CAB39L: variants seen among roughly 807,000 people sequenced by gnomAD.
CAB39L encodes the protein calcium-binding protein 39-like.
A neutral mutation model predicts 39.1 loss-of-function variants in CAB39L; 23 were observed. The ratio of observed to expected loss-of-function variants is 0.59; its 90% CI spans 0.42 to 0.83. The LOEUF (loss-of-function observed/expected upper bound fraction) is 0.83. Ranked by LOEUF, CAB39L falls within the 40% of genes least tolerant of loss-of-function variation. The pLI is 0.00. For missense variants in CAB39L, 366 were observed against 391.9 expected, an observed-to-expected ratio of 0.93 and a Z score of 0.56; for synonymous variants, 126 against 137.2, an observed-to-expected ratio of 0.92 and a Z score of 0.57.
intron 3 of CAB39L, among the ~76,000 whole-genome samples, chr13:49,432,424 C>T (rs1250526178): frequency 1.3e-5 from 2 of 152,198 alleles, no homozygotes; most frequent in African/African-American, 2.4e-5. Context: ...GTGTGAGCTA[C>T]TGCAACTGGC....
chr13:49,386,719 C>T (rs992596551), intron 3 of CAB39L, among the ~76,000 whole-genome samples: 1 of 151,650 alleles, frequency 6.6e-6, no homozygotes, highest in East Asian at 1.9e-4. Flanking sequence ...AGCACCCAGA[C>T]CCCCTGCAAA....
At chr13:49,352,048 TAGG>T (rs1288630741) in intron 6 of CAB39L, among the ~76,000 whole-genome samples, 2 of 152,122 alleles carry the variant, frequency 1.3e-5, no homozygotes, top group Non-Finnish European at 2.9e-5. Context: ...AGGAAAAAGA[TAGG>T]AGAGACCTAT....
chr13:49,380,812 A>G (rs967106791), intron 4 of CAB39L, among the ~76,000 whole-genome samples: 1 of 152,248 alleles, frequency 6.6e-6, no homozygotes, highest in African/African-American at 2.4e-5. Flanking sequence ...TGAAGAAGGA[A>G]ATGAGTAGAA....
chr13:49,344,549 T>C (rs1315751015), intron 7 of CAB39L, among the ~76,000 whole-genome samples: 1 of 138,302 alleles, frequency 7.2e-6, no homozygotes, highest in Non-Finnish European at 1.5e-5. Context: ...TGAGATGGAG[T>C]CTCACTATGT....
chr13:49,340,034 TTTTAAAGAAATC>T (rs1954960248), intron 8 of CAB39L, among the ~76,000 whole-genome samples: 1 of 152,256 alleles, frequency 6.6e-6, no homozygotes, highest in African/African-American at 2.4e-5. Flanking sequence ...TTTTATGCCA[TTTTAAAGAAATC>T]TTTATGTAAG....
intron 10 of CAB39L, among the ~76,000 whole-genome samples, chr13:49,326,757 C>T (rs1054773207): frequency 3.7e-4 from 56 of 152,160 alleles, no homozygotes; most frequent in Admixed American, 1.0e-3. Context: ...TTTAAATGTA[C>T]CTACCCTGTC....
intron 3 of CAB39L, among the ~76,000 whole-genome samples, chr13:49,423,240 T>C (rs751978234): frequency 5.9e-5 from 9 of 152,326 alleles, no homozygotes; most frequent in South Asian, 2.1e-4. Flanking sequence ...CAGGTGAGAA[T>C]TGGCATATCA....
intron 6 of CAB39L, among the ~76,000 whole-genome samples, chr13:49,358,102 CTTG>C (rs1167764216): frequency 6.6e-6 from 1 of 152,204 alleles, no homozygotes; most frequent in East Asian, 1.9e-4. Context: ...ATATACTTAT[CTTG>C]TTGTGGAGCC....
rs1593916758 is a variant in CAB39L at position 49,328,568 on chromosome 13, G to A, written c.834+3379C>T. On this transcript the variant is annotated intron_variant, in intron 10 of 10. Coordinates refer to ENST00000409308, the MANE Select transcript of CAB39L (RefSeq NM_001079670.3). ...ATATTTTCTATTATGGCTGGGTATG[G>A]TGGTTCATACCCAGCCATAATAGAG... 2.6e-5 allele frequency among the ~76,000 whole-genome samples: 4 copies of A among 152,048 alleles called. No homozygotes were observed. The South Asian group carries it at 8.3e-4, about 32-fold the overall frequency.
At chr13:49,378,566 C>T (rs1157601141) in intron 4 of CAB39L, among the ~76,000 whole-genome samples, 2 of 74,254 alleles carry the variant, frequency 2.7e-5, no homozygotes, top group East Asian at 2.6e-4. Flanking sequence ...CCCGGCCAGC[C>T]GCCCCGTCCG....
At chr13:49,333,819 G>A (rs1055330799) in intron 9 of CAB39L, among the ~76,000 whole-genome samples, 44 of 151,458 alleles carry the variant, frequency 2.9e-4, no homozygotes, top group South Asian at 4.2e-4. Flanking sequence ...TGATCCATCC[G>A]CCTCGGCCTC....
intron 5 of CAB39L, among the ~76,000 whole-genome samples, chr13:49,371,962 T>C (rs1369501062): frequency 1.3e-5 from 2 of 152,194 alleles, no homozygotes; most frequent in Non-Finnish European, 2.9e-5. Context: ...AAGACAATTT[T>C]CTGCTTCTTT....
intron 10 of CAB39L, 113 bp downstream of exon 10, chr13:49,331,834 T>A: frequency 1.1e-6 from 1 of 947,980 alleles, no homozygotes. Flanking sequence ...ACACAAAGAC[T>A]GCCTATTTCA....
At chr13:49,328,480 T>C (rs921585520) in intron 10 of CAB39L, among the ~76,000 whole-genome samples, 1 of 152,216 alleles carries the variant, frequency 6.6e-6, no homozygotes, top group African/African-American at 2.4e-5. Flanking sequence ...CTATCCTGTC[T>C]TTTCAGTTTA....
At chr13:49,393,280 C>T (rs1347732013) in intron 3 of CAB39L, among the ~76,000 whole-genome samples, 2 of 151,950 alleles carry the variant, frequency 1.3e-5, no homozygotes, top group African/African-American at 4.8e-5. Flanking sequence ...TAATGAAAAG[C>T]ATATTTTGAT....
chr13:49,383,105 A>T lies in CAB39L; in HGVS notation c.-31-164T>A, dbSNP rs1956283033. On this transcript the variant is annotated intron_variant, in intron 3 of 10. Transcript: ENST00000409308. ...CAAGTTTTATGCCAAATTTAAATAC[A>T]TATATTTTTAAAAAGATATTTTTAA... Among the ~76,000 whole-genome samples the T allele has an allele frequency of 2.0e-5, 3 of 152,118 alleles. No homozygotes were observed. The South Asian group carries it at 6.2e-4, about 31-fold the overall frequency.
rs199498743 is a variant in CAB39L, at chr13:49,332,066, G to A, written c.715C>T (p.Arg239Cys). 5.5e-4 allele frequency: 890 copies of A among 1,613,828 alleles called. No individual in the cohort carries two copies. The highest frequency in any genetic ancestry group is 6.8e-4 in the Non-Finnish European group (807 of 1,179,836). Residue 239 changes from arginine to cysteine, a missense_variant, in exon 10 of 11, where the codon CGT (arginine) becomes TGT (cysteine). Arg to Cys is a radical substitution (Grantham distance 180). Transcript: ENST00000409308. ...TTTGTCATGATGGCAAAGTTGTGAC[G>A]GTCCAGGATCAGCTCCCCTAGCAGC... is the stretch of plus-strand genomic sequence containing the variant. ...LKLLGELILD[R>C]HNFAIMTKYI...
chr13:49,371,179 CTT>C (rs1270448113), intron 5 of CAB39L, among the ~76,000 whole-genome samples: 11 of 133,096 alleles, frequency 8.3e-5, no homozygotes, highest in Middle Eastern at 4.5e-3. Flanking sequence ...TTTTCTTTTT[CTT>C]TTTCTTTCTT....
At position 49,360,120 on chromosome 13, in the gene CAB39L, C is replaced by T. The variant is rs184661073; in HGVS notation, c.277-288G>A. On this transcript the variant is annotated intron_variant, in intron 5 of 10. Coordinates refer to ENST00000409308, the MANE Select transcript of CAB39L (RefSeq NM_001079670.3). ...ATGGAAGGACATAAAGTGAATATGA[C>T]AGAACTGAATTCTTTGTTTTTTCAC... 7.9e-5 allele frequency among the ~76,000 whole-genome samples: 12 copies of T among 152,054 alleles called. No individual in the cohort carries two copies. The East Asian group carries it at 1.2e-3, about 15-fold the overall frequency.
Sources: gnomAD v4.1 joint callset for allele counts (sites outside exome capture counted in the v4.1 genomes callset) on GRCh38, gnomAD v4.1.1 for gene constraint, MANE v1.5 for transcripts, NCBI Gene and HGNC (gene_info 2026-07-23, HGNC 2026-07-21) for gene names.